ANKRD6: variants seen among roughly 807,000 people sequenced by gnomAD.
ANKRD6 encodes ankyrin repeat domain 6.
Under a neutral mutation model 82.3 loss-of-function variants are expected in ANKRD6, and 56 were observed. That is an observed-to-expected ratio of 0.68 (90% CI 0.55 to 0.85). The LOEUF (loss-of-function observed/expected upper bound fraction) is 0.85. Ranked by LOEUF, ANKRD6 falls within the 40% of genes least tolerant of loss-of-function variation. The pLI, the probability that ANKRD6 is intolerant of heterozygous loss-of-function variation, is 0.00. For missense variants in ANKRD6, 852 were observed against 907.6 expected, an observed-to-expected ratio of 0.94 and a Z score of 0.79; for synonymous variants, 347 against 352.1, an observed-to-expected ratio of 0.99 and a Z score of 0.16.
intron 13 of ANKRD6, among the ~76,000 whole-genome samples, chr6:89,625,558 T>G (rs1364425264): frequency 6.6e-6 from 1 of 152,170 alleles, no homozygotes; most frequent in Non-Finnish European, 1.5e-5. Flanking sequence ...TTTTTAACTC[T>G]TGAACTATTT....
intron 1 of ANKRD6, among the ~76,000 whole-genome samples, chr6:89,445,677 C>G (rs895514217): frequency 3.3e-5 from 5 of 152,142 alleles, no homozygotes; most frequent in Non-Finnish European, 5.9e-5. Context: ...ATCTCCTGAC[C>G]TTGTGATCTG....
At chr6:89,585,118 T>A (rs1793424073) in intron 2 of ANKRD6, among the ~76,000 whole-genome samples, 1 of 152,104 alleles carries the variant, frequency 6.6e-6, no homozygotes, top group African/African-American at 2.4e-5. Context: ...AATCATCTGA[T>A]CATATTAATA....
intron 3 of ANKRD6, chr6:89,598,473 C>CT (rs1412981553): frequency 1.0e-6 from 1 of 966,238 alleles, no homozygotes; most frequent in Non-Finnish European, 1.2e-6. Flanking sequence ...CTTGAGCTTC[C>CT]TTGCAGTATG....
chr6:89,503,685 T>C (rs1779507048), intron 1 of ANKRD6, among the ~76,000 whole-genome samples: 1 of 152,198 alleles, frequency 6.6e-6, no homozygotes, highest in Non-Finnish European at 1.5e-5. Flanking sequence ...TAATACATTA[T>C]ATAGATGGCA....
At chr6:89,570,967 G>A (rs1382352361) in intron 2 of ANKRD6, among the ~76,000 whole-genome samples, 3 of 152,118 alleles carry the variant, frequency 2.0e-5, no homozygotes, top group Non-Finnish European at 4.4e-5. Context: ...TGTTTTCCAT[G>A]GCTGTTGCAC....
intron 1 of ANKRD6, among the ~76,000 whole-genome samples, chr6:89,545,159 G>A (rs1234251941): frequency 6.8e-6 from 1 of 147,396 alleles, no homozygotes; most frequent in African/African-American, 2.5e-5. Flanking sequence ...CTTGCAGTGA[G>A]CCGAGATCAC....
At chr6:89,439,968 A>T (rs961027647) in intron 1 of ANKRD6, among the ~76,000 whole-genome samples, 2 of 152,200 alleles carry the variant, frequency 1.3e-5, no homozygotes, top group Non-Finnish European at 2.9e-5. Flanking sequence ...AAGTGCTGGG[A>T]TTACAGGCCT....
chr6:89,487,808 T>A (rs1777538015), intron 1 of ANKRD6, among the ~76,000 whole-genome samples: 1 of 152,170 alleles, frequency 6.6e-6, no homozygotes, highest in Non-Finnish European at 1.5e-5. Context: ...GCAACCTAGT[T>A]TAATGTCTAG....
intron 1 of ANKRD6, among the ~76,000 whole-genome samples, chr6:89,514,309 C>T (rs1458979146): frequency 5.9e-5 from 9 of 151,918 alleles, no homozygotes; most frequent in African/African-American, 1.2e-4. Flanking sequence ...ACCTGGGGGG[C>T]GGAGGTTGCA....
chr6:89,514,759 A>G (rs1190009556), intron 1 of ANKRD6, among the ~76,000 whole-genome samples: 2 of 152,194 alleles, frequency 1.3e-5, no homozygotes, highest in African/African-American at 4.8e-5. Flanking sequence ...GGATATATAG[A>G]TGTTTGGCAC....
intron 13 of ANKRD6, 148 bp downstream of exon 13, chr6:89,624,839 G>A (rs1805050955): frequency 3.6e-6 from 3 of 841,870 alleles, no homozygotes; most frequent in Non-Finnish European, 5.2e-6. Context: ...ATGTGATTTT[G>A]TTAAAGTACA....
chr6:89,543,502 G>A (rs1784676269), intron 1 of ANKRD6, among the ~76,000 whole-genome samples: 1 of 152,190 alleles, frequency 6.6e-6, no homozygotes, highest in Non-Finnish European at 1.5e-5. Context: ...ATCCTGTGGT[G>A]TCAGGGTCAG....
At chr6:89,501,517 C>T (rs1196835516) in intron 1 of ANKRD6, among the ~76,000 whole-genome samples, 3 of 152,322 alleles carry the variant, frequency 2.0e-5, no homozygotes, top group South Asian at 2.1e-4. Context: ...CTCCCAGCCA[C>T]GAGAATGCTA....
chr6:89,581,468 G>T (rs1792511517), intron 2 of ANKRD6: 2 of 152,352 alleles, frequency 1.3e-5, no homozygotes, highest in Admixed American at 6.5e-5. Flanking sequence ...AGTGCCAGTG[G>T]TACACTGGGC....
chr6:89,496,593 G>T (rs1243092850), intron 1 of ANKRD6, among the ~76,000 whole-genome samples: 6 of 151,966 alleles, frequency 3.9e-5, no homozygotes, highest in African/African-American at 1.5e-4. Flanking sequence ...TGCGATCTCG[G>T]GTCACTGCAA....
intron 5 of ANKRD6, among the ~76,000 whole-genome samples, chr6:89,609,292 T>A (rs1799585387): frequency 6.6e-6 from 1 of 152,114 alleles, no homozygotes; most frequent in African/African-American, 2.4e-5. Flanking sequence ...GAGTTGATGG[T>A]GTGTAATCAC....
chr6:89,543,683 C>T (rs948190905), intron 1 of ANKRD6, among the ~76,000 whole-genome samples: 4 of 152,186 alleles, frequency 2.6e-5, no homozygotes, highest in African/African-American at 9.6e-5. Flanking sequence ...CTCAACAAGA[C>T]CTGTCCTCTC....
intron 2 of ANKRD6, among the ~76,000 whole-genome samples, chr6:89,579,778 A>AAAAT (rs1792074193): frequency 6.7e-6 from 1 of 150,224 alleles, no homozygotes; most frequent in Non-Finnish European, 1.5e-5. Context: ...AAAAAAAAAA[A>AAAAT]GGCTAAATGA....
At chr6:89,521,579 A>G (rs181321049) in intron 1 of ANKRD6, among the ~76,000 whole-genome samples, 3 of 152,350 alleles carry the variant, frequency 2.0e-5, no homozygotes, top group African/African-American at 4.8e-5. Context: ...CTGTGGCCTC[A>G]ATGAGAAGAA....
Sources: gnomAD v4.1 joint callset for allele counts (sites outside exome capture counted in the v4.1 genomes callset) on GRCh38, gnomAD v4.1.1 for gene constraint, MANE v1.5 for transcripts, NCBI Gene and HGNC (gene_info 2026-07-23, HGNC 2026-07-21) for gene names.